SH3RF3: variants seen among roughly 807,000 people sequenced by gnomAD.
SH3RF3 encodes SH3 domain containing ring finger 3, also known as E3 ubiquitin-protein ligase SH3RF3.
Under a neutral mutation model 66.3 loss-of-function variants are expected in SH3RF3, and 29 were observed. The observed-to-expected ratio is 0.44, with a 90% CI of 0.33 to 0.60. The LOEUF is 0.60. Among genes scored for constraint, SH3RF3 ranks in the 20% least tolerant of loss-of-function variants. SH3RF3 has a pLI of 0.04. For synonymous variants in SH3RF3, 583 were observed against 532.0 expected, an observed-to-expected ratio of 1.10 and a Z score of -1.32; for missense variants, 1,194 against 1,190.9, an observed-to-expected ratio of 1.00 and a Z score of -0.04.
At chr2:109,235,324 T>G (rs1456702017) in intron 1 of SH3RF3, among the ~76,000 whole-genome samples, 1 of 152,166 alleles carries the variant, frequency 6.6e-6, no homozygotes, top group African/African-American at 2.4e-5. Context: ...CTACCTCCTC[T>G]TCATCCACCC....
intron 1 of SH3RF3, among the ~76,000 whole-genome samples, chr2:109,199,043 T>C (rs547908367): frequency 6.6e-6 from 1 of 152,204 alleles, no homozygotes; most frequent in East Asian, 1.9e-4. Flanking sequence ...TCTTGAGTTT[T>C]TCTACACAGT....
intron 4 of SH3RF3, among the ~76,000 whole-genome samples, chr2:109,406,425 T>C (rs6754584): frequency 0.57 from 86,162 of 151,876 alleles, 25,042 homozygotes; most frequent in African/African-American, 0.67. Context: ...AGAGCAGCTA[T>C]ATCACGTAAT....
intron 1 of SH3RF3, among the ~76,000 whole-genome samples, chr2:109,151,452 T>G (rs1183796465): frequency 6.6e-6 from 1 of 152,230 alleles, no homozygotes; most frequent in African/African-American, 2.4e-5. Context: ...CAAATAGAAT[T>G]TGAGCCACAT....
chr2:109,179,491 A>C (rs1412873957), intron 1 of SH3RF3, among the ~76,000 whole-genome samples: 3 of 152,158 alleles, frequency 2.0e-5, no homozygotes, highest in African/African-American at 7.2e-5. Context: ...GCTATAATAT[A>C]ATACCAAAGA....
chr2:109,294,042 T>C (rs1681249807), intron 1 of SH3RF3, among the ~76,000 whole-genome samples: 3 of 152,310 alleles, frequency 2.0e-5, no homozygotes, highest in Middle Eastern at 6.8e-3. Flanking sequence ...AATGGTCTTT[T>C]CTCTGCCTGG....
At chr2:109,488,533 C>A (rs1365443763) in intron 8 of SH3RF3, among the ~76,000 whole-genome samples, 2 of 152,206 alleles carry the variant, frequency 1.3e-5, no homozygotes, top group Non-Finnish European at 2.9e-5. Flanking sequence ...GTGGCCTGAA[C>A]AAGCCTCCTC....
rs368394012 is a variant in SH3RF3 at position 109,140,181 on chromosome 2, A to T, written c.573+10068A>T. On this transcript the variant is annotated intron_variant, in intron 1 of 9. Transcript: ENST00000309415. ...TTTTCTGAAGGCTGCATTGATGCAC[A>T]TGGTTGGTGCATATGGGTCGATTGA... Among the ~76,000 whole-genome samples the T allele has an allele frequency of 4.9e-4, 75 of 152,204 alleles. 1 individual carries two copies. Among genetic ancestry groups the T allele is most frequent in the African/African-American group, 1.5e-3 (61 of 41,542 alleles).
At chr2:109,257,730 C>G (rs769177396) in intron 1 of SH3RF3, among the ~76,000 whole-genome samples, 8 of 152,108 alleles carry the variant, frequency 5.3e-5, no homozygotes, top group Non-Finnish European at 1.2e-4. Flanking sequence ...CTCCCTGTCT[C>G]AGTGTCCAAA....
chr2:109,347,832 A>C lies in SH3RF3; in HGVS notation c.732A>C (p.Pro244=), dbSNP rs1559036261. 3 of 1,613,994 alleles carry C rather than the reference A, an allele frequency of 1.9e-6. No homozygotes were observed. Among genetic ancestry groups the C allele is most frequent in the Non-Finnish European group, 2.5e-6 (3 of 1,179,874 alleles). Residue 244 remains proline, a synonymous_variant, in exon 2 of 10, where the codon CCA becomes CCC. Transcript: ENST00000309415. The stretch of plus-strand genomic sequence containing the variant: ...TGCACGGCACACAGGGCTTCCTCCC[A>C]GCCAGCTATATCCAGTGCATCCAGC... The part of the protein sequence containing the change: ...GELHGTQGFL[P]ASYIQCIQPL...
intron 1 of SH3RF3, among the ~76,000 whole-genome samples, chr2:109,304,550 A>G (rs977589975): frequency 2.0e-5 from 3 of 152,196 alleles, no homozygotes; most frequent in Non-Finnish European, 2.9e-5. Flanking sequence ...TGACTGGGTA[A>G]GAGTGGTTAA....
intron 1 of SH3RF3, among the ~76,000 whole-genome samples, chr2:109,311,364 T>A (rs1168594819): frequency 8.1e-6 from 1 of 123,404 alleles, no homozygotes; most frequent in Non-Finnish European, 1.6e-5. Flanking sequence ...GAGCTATCTA[T>A]GACAAACCCA....
chr2:109,420,568 C>G (rs987502688), intron 5 of SH3RF3, among the ~76,000 whole-genome samples: 6 of 152,154 alleles, frequency 3.9e-5, no homozygotes, highest in African/African-American at 1.4e-4. Flanking sequence ...GCCTCAGCCT[C>G]CCAAGTAGCT....
chr2:109,175,897 AT>A (rs1574488133), intron 1 of SH3RF3, among the ~76,000 whole-genome samples: 1 of 152,236 alleles, frequency 6.6e-6, no homozygotes. Flanking sequence ...GCACTAATTA[AT>A]TTTTTTCCAG....
intron 1 of SH3RF3, among the ~76,000 whole-genome samples, chr2:109,267,537 C>T (rs1054629590): frequency 6.6e-6 from 1 of 152,168 alleles, no homozygotes; most frequent in Non-Finnish European, 1.5e-5. Flanking sequence ...CAGCCCCACT[C>T]CCTTCCAACA....
chr2:109,390,997 A>C lies in SH3RF3; in HGVS notation c.946-7593A>C, dbSNP rs529071294. Among the ~76,000 whole-genome samples the C allele has an allele frequency of 1.4e-4, 22 of 152,348 alleles. No individual in the cohort carries two copies. The East Asian group carries it at 4.2e-3, about 29-fold the overall frequency. ...AACTGCCCCCAAGCAGCTAGCACCCAGAGGCGGACAAGGTGGACGGGTGCC... is the reference window on the plus strand; with the variant it reads ...AACTGCCCCCAAGCAGCTAGCACCCCGAGGCGGACAAGGTGGACGGGTGCC... On this transcript the variant is annotated intron_variant, in intron 3 of 9. Transcript: ENST00000309415.
rs1441429820 is a variant in SH3RF3 at position 109,176,365 on chromosome 2, CTCTG to C, written c.573+46253_573+46256del. Among the ~76,000 whole-genome samples the C allele has an allele frequency of 4.8e-4, 73 of 152,154 alleles. 1 individual carries two copies. Among genetic ancestry groups the C allele is most frequent in the Non-Finnish European group, 1.6e-4 (11 of 68,026 alleles). ...AAGACAGCTGAGCAGCAGTGAGATACTCTGAGAGAACACCATGTGCAATGGAATG... is the reference window on the plus strand; with the variant it reads ...AAGACAGCTGAGCAGCAGTGAGATACAGAGAACACCATGTGCAATGGAATG... On this transcript the variant is annotated intron_variant, in intron 1 of 9. Transcript: ENST00000309415.
intron 1 of SH3RF3, among the ~76,000 whole-genome samples, chr2:109,215,605 G>A (rs1239310544): frequency 1.3e-5 from 2 of 152,112 alleles, no homozygotes. Context: ...TCTCTGGGTA[G>A]AGTTCTTCCT....
At chr2:109,382,823 T>C (rs918308107) in intron 3 of SH3RF3, among the ~76,000 whole-genome samples, 2 of 152,338 alleles carry the variant, frequency 1.3e-5, no homozygotes, top group East Asian at 3.9e-4. Flanking sequence ...GCTTTCAGGA[T>C]TCCTAGTGCA....
intron 1 of SH3RF3, among the ~76,000 whole-genome samples, chr2:109,164,515 G>A (rs769714472): frequency 3.9e-5 from 6 of 152,032 alleles, no homozygotes; most frequent in Non-Finnish European, 5.9e-5. Context: ...TAGACTCTTC[G>A]GCCAAGCCTG....
Sources: gnomAD v4.1 joint callset for allele counts (sites outside exome capture counted in the v4.1 genomes callset) on GRCh38, gnomAD v4.1.1 for gene constraint, MANE v1.5 for transcripts, NCBI Gene and HGNC (gene_info 2026-07-23, HGNC 2026-07-21) for gene names.